Variants in STXBP5L observed in about 807,000 individuals in gnomAD.
The protein encoded by STXBP5L is syntaxin-binding protein 5-like.
Under a neutral mutation model 144.5 loss-of-function variants are expected in STXBP5L, and 65 were observed. The observed-to-expected ratio is 0.45, with a 90% CI of 0.37 to 0.55. The LOEUF (loss-of-function observed/expected upper bound fraction) is 0.55. Ranked by LOEUF, STXBP5L falls within the 20% of genes least tolerant of loss-of-function variation. The pLI is 0.00. For missense variants in STXBP5L, 1,298 were observed against 1,405.5 expected, an observed-to-expected ratio of 0.92 and a Z score of 1.22; for synonymous variants, 505 against 469.6, an observed-to-expected ratio of 1.08 and a Z score of -0.97.
intron 20 of STXBP5L, among the ~76,000 whole-genome samples, chr3:121,338,206 A>T (rs1327502166): frequency 6.6e-6 from 1 of 152,164 alleles, no homozygotes; most frequent in African/African-American, 2.4e-5. Context: ...TATAAAGATC[A>T]GAGCAGAACT....
At chr3:121,324,593 T>C (rs772809877) in intron 20 of STXBP5L, 13 of 676,632 alleles carry the variant, frequency 1.9e-5, no homozygotes, top group Non-Finnish European at 2.9e-5. Flanking sequence ...CAGGTGAAGA[T>C]GAAAATCTCT....
rs368723017 is a variant in STXBP5L at position 121,045,340 on chromosome 3, C to T, written c.370-95C>T. On this transcript the variant is annotated intron_variant, in intron 4 of 26. Coordinates refer to ENST00000471454, the MANE Select transcript of STXBP5L (RefSeq NM_001308330.2). ...TTCTGAGATAACAAAAGTAACTCTT[C>T]AGGTAGTAAACATTGAGTAAATTAG... The T allele has an allele frequency of 3.6e-5, 38 of 1,066,044 alleles. No homozygotes were observed. The East Asian group carries it at 8.0e-4, about 22-fold the overall frequency. The allele number at this position is 1,066,044 out of a possible 1,614,324, so 66.0% of individuals were successfully genotyped here. A position where few individuals can be genotyped will look rare whatever the true frequency, so the allele number is the denominator to read the frequency against.
intron 3 of STXBP5L, among the ~76,000 whole-genome samples, chr3:121,020,366 C>T (rs1044811330): frequency 6.6e-6 from 1 of 152,106 alleles, no homozygotes; most frequent in Admixed American, 6.5e-5. Flanking sequence ...AAAAGTTCCC[C>T]AGCCTTGCTA....
intron 7 of STXBP5L, among the ~76,000 whole-genome samples, chr3:121,126,136 T>A (rs569918680): frequency 2.4e-4 from 37 of 152,286 alleles, no homozygotes; most frequent in Admixed American, 2.2e-3. Flanking sequence ...TCAAGCTTTT[T>A]TTGTACACAC....
At chr3:121,127,505 A>G (rs910965171) in intron 7 of STXBP5L, among the ~76,000 whole-genome samples, 1 of 151,360 alleles carries the variant, frequency 6.6e-6, no homozygotes, top group Admixed American at 6.6e-5. Context: ...TATAACACCA[A>G]TCTCTGCCTT....
chr3:121,343,680 C>T (rs1396507910), intron 20 of STXBP5L, among the ~76,000 whole-genome samples: 2 of 152,070 alleles, frequency 1.3e-5, no homozygotes, highest in South Asian at 4.1e-4. Flanking sequence ...ACCTAGGAAT[C>T]CAACTTACAA....
At chr3:120,995,225 G>A (rs930119948) in intron 3 of STXBP5L, among the ~76,000 whole-genome samples, 5 of 152,126 alleles carry the variant, frequency 3.3e-5, no homozygotes, top group African/African-American at 1.2e-4. Flanking sequence ...ATGGCTCACA[G>A]CAACCTTGAC....
At chr3:121,130,960 A>G (rs1424464776) in intron 7 of STXBP5L, among the ~76,000 whole-genome samples, 4 of 152,122 alleles carry the variant, frequency 2.6e-5, no homozygotes, top group Non-Finnish European at 5.9e-5. Context: ...ATTAAAATAC[A>G]TAAATCTAAT....
intron 5 of STXBP5L, among the ~76,000 whole-genome samples, chr3:121,083,061 G>A (rs1334692669): frequency 1.3e-5 from 2 of 151,902 alleles, no homozygotes; most frequent in Non-Finnish European, 2.9e-5. Context: ...TTAGCTGGGT[G>A]TGGTGGCGTG....
chr3:121,189,570 C>T (rs1559843557), intron 9 of STXBP5L, among the ~76,000 whole-genome samples: 1 of 152,112 alleles, frequency 6.6e-6, no homozygotes, highest in Non-Finnish European at 1.5e-5. Flanking sequence ...TATTCTGTTC[C>T]ATTGGTCTAT....
At chr3:120,989,144 T>C (rs1425655448) in intron 3 of STXBP5L, among the ~76,000 whole-genome samples, 2 of 152,174 alleles carry the variant, frequency 1.3e-5, no homozygotes, top group East Asian at 3.8e-4. Context: ...GCAGTTATCT[T>C]TTGATACAAT....
Position 121,047,865 on chromosome 3 carries a change from G to A in STXBP5L, c.470+2330G>A, listed in dbSNP as rs72968840. Among the ~76,000 whole-genome samples the A allele has an allele frequency of 2.5e-3, 381 of 152,206 alleles. 2 individuals are homozygous for A. Among genetic ancestry groups the A allele is most frequent in the African/African-American group, 8.6e-3 (358 of 41,558 alleles). ...ATTTACATTCAAGTTTAATATTTAT[G>A]TGTGTGGATTTGATCCTTTCATCAT... is the stretch of plus-strand genomic sequence containing the variant. On this transcript the variant is annotated intron_variant, in intron 5 of 26. Coordinates refer to ENST00000471454, the MANE Select transcript of STXBP5L (RefSeq NM_001308330.2).
chr3:121,005,298 G>A (rs1944188368), intron 3 of STXBP5L, among the ~76,000 whole-genome samples: 1 of 152,130 alleles, frequency 6.6e-6, no homozygotes, highest in Admixed American at 6.6e-5. Flanking sequence ...ATGTGTCCAG[G>A]AATTTATCCA....
At chr3:121,098,898 T>G (rs1044116189) in intron 5 of STXBP5L, among the ~76,000 whole-genome samples, 1 of 152,134 alleles carries the variant, frequency 6.6e-6, no homozygotes, top group African/African-American at 2.4e-5. Flanking sequence ...GAAAATAATT[T>G]TCTCCATTTC....
At chr3:120,955,618 T>C (rs1367346914) in intron 3 of STXBP5L, among the ~76,000 whole-genome samples, 2 of 152,064 alleles carry the variant, frequency 1.3e-5, no homozygotes, top group Non-Finnish European at 2.9e-5. Flanking sequence ...CATGTAGTTA[T>C]AAGAAATAAT....
intron 20 of STXBP5L, among the ~76,000 whole-genome samples, chr3:121,324,258 G>T (rs2044072207): frequency 6.6e-6 from 1 of 152,050 alleles, no homozygotes; most frequent in Non-Finnish European, 1.5e-5. Flanking sequence ...TAGTTTGAAT[G>T]CTCCTTCTGG....
chr3:120,994,824 T>A (rs638343), intron 3 of STXBP5L, among the ~76,000 whole-genome samples: 38,674 of 151,880 alleles, frequency 0.25, 5,094 homozygotes, highest in African/African-American at 0.29. Flanking sequence ...TACTCTTCAA[T>A]TTTTTGGAAT....
At chr3:121,114,818 A>G in intron 5 of STXBP5L, 107 bp from the exon 6 acceptor site, 1 of 652,222 alleles carries the variant, frequency 1.5e-6, no homozygotes, top group Non-Finnish European at 2.4e-6. Flanking sequence ...AGTATATAGT[A>G]CATTTTATTA....
intron 2 of STXBP5L, among the ~76,000 whole-genome samples, chr3:120,921,009 T>C (rs1030232452): frequency 2.0e-5 from 3 of 151,866 alleles, no homozygotes; most frequent in Non-Finnish European, 2.9e-5. Flanking sequence ...TACCGAGTAG[T>C]GCAATTGCTG....
Sources: allele counts gnomAD v4.1 joint callset (sites outside exome capture counted in the v4.1 genomes callset), GRCh38; gene constraint gnomAD v4.1.1; transcripts MANE v1.5; gene names NCBI Gene and HGNC (gene_info 2026-07-23, HGNC 2026-07-21).